Variants in SLC5A10 observed in about 807,000 individuals in gnomAD.
SLC5A10 encodes the protein solute carrier family 5 member 10.
A neutral mutation model predicts 68.9 loss-of-function variants in SLC5A10; 55 were observed. The observed-to-expected ratio is 0.80, with a 90% CI of 0.64 to 1.00. SLC5A10 has a LOEUF of 1.00. Ranked by LOEUF, SLC5A10 falls within the 50% of genes least tolerant of loss-of-function variation. The pLI is 0.00. For missense variants in SLC5A10, 732 were observed against 819.3 expected (o/e 0.89, Z 1.30); for synonymous variants, 344 against 344.8 (o/e 1.00, Z 0.02).
intron 8 of SLC5A10, among the ~76,000 whole-genome samples, chr17:18,972,304 G>T (rs2042874601): frequency 6.6e-6 from 1 of 152,144 alleles, no homozygotes. Flanking sequence ...CAGCCCCAGG[G>T]GTCCACCATA....
rs774989252 is a variant in SLC5A10 at position 19,004,006 on chromosome 17, G to C, written c.983-9404G>C. On this transcript the variant is annotated intron_variant, in intron 9 of 14. Coordinates refer to ENST00000395645, the MANE Select transcript of SLC5A10 (RefSeq NM_001042450.4). The surrounding 1 kb of genome is among the most constrained non-coding windows in gnomAD (Gnocchi z 5.4). ...ACTCGCTGGAGCGCCAGTTCACATG[G>C]TTGTCGTCCAGACACTGCACCTGAG... is the stretch of plus-strand genomic sequence containing the variant. 10 of 1,610,866 alleles carry C rather than the reference G, an allele frequency of 6.2e-6. No homozygotes were observed. The African/African-American group carries it at 1.2e-4, about 19-fold the overall frequency.
At chr17:18,998,538 C>T (rs148196654) in intron 9 of SLC5A10, among the ~76,000 whole-genome samples, 12 of 152,348 alleles carry the variant, frequency 7.9e-5, no homozygotes, top group African/African-American at 2.4e-4. Flanking sequence ...GACGGCAGGC[C>T]CTGGCTCTTG....
chr17:19,013,372 C>T (rs1567813021), intron 9 of SLC5A10, 38 bp from the exon 10 acceptor site: 2 of 1,603,050 alleles, frequency 1.2e-6, no homozygotes, highest in Non-Finnish European at 1.7e-6. Flanking sequence ...GTGCTCATGT[C>T]TATGAGGAGA....
At chr17:19,007,191 C>CTTT (rs1350539677) in intron 9 of SLC5A10, among the ~76,000 whole-genome samples, 1 of 107,004 alleles carries the variant, frequency 9.3e-6, no homozygotes, top group African/African-American at 3.5e-5. Flanking sequence ...GGTGTTACCG[C>CTTT]TATTTTTTTT....
chr17:18,976,563 T>G, intron 8 of SLC5A10: 1 of 383,708 alleles, frequency 2.6e-6, no homozygotes, highest in Non-Finnish European at 4.7e-6. Context: ...GCCCTGACAA[T>G]TGCCAGGGGT....
intron 11 of SLC5A10, 60 bp from the exon 12 acceptor site, chr17:19,019,363 G>T: frequency 6.4e-7 from 1 of 1,560,574 alleles, no homozygotes; most frequent in South Asian, 1.2e-5. Flanking sequence ...ACCAGGGGAG[G>T]TGGGAGAGAG....
rs1354018883 is a variant in SLC5A10, at chr17:18,996,785, C to T, written c.983-16625C>T. On this transcript the variant is annotated intron_variant, in intron 9 of 14. Transcript: ENST00000395645. This position sits in a 1 kb window ranked among gnomAD's most constrained non-coding sequence, Gnocchi z 4.4. ...AGGTCTCCTGTTCCTAGGCTTTTCT[C>T]CTAATGGGGGACCCTGTGTCCATTC... Among the ~76,000 whole-genome samples, 1 of 152,208 alleles carries T rather than the reference C, an allele frequency of 6.6e-6. No homozygotes were observed. Among genetic ancestry groups the T allele is most frequent in the Non-Finnish European group, 1.5e-5 (1 of 68,032 alleles).
Position 19,020,643 on chromosome 17 carries a change from A to T in SLC5A10, c.*212A>T. ...AATGTGACATTTCAAAAACAGCACCAAAGCAGTCAGCATTGGAAGGAAAAT... is the reference window on the plus strand; with the variant it reads ...AATGTGACATTTCAAAAACAGCACCTAAGCAGTCAGCATTGGAAGGAAAAT... On this transcript the variant is annotated 3_prime_UTR_variant, in exon 15 of 15. Coordinates refer to ENST00000395645, the MANE Select transcript of SLC5A10 (RefSeq NM_001042450.4). 2 of 584,240 alleles carry T rather than the reference A, an allele frequency of 3.4e-6. No individual in the cohort carries two copies. The highest frequency in any genetic ancestry group is 6.1e-6 in the Non-Finnish European group (2 of 326,988). 36.2% of individuals were successfully genotyped at this position (584,240 alleles called of 1,614,324 possible).
At chr17:18,991,707 G>A (rs557148228) in intron 9 of SLC5A10, among the ~76,000 whole-genome samples, 7 of 152,300 alleles carry the variant, frequency 4.6e-5, no homozygotes, top group African/African-American at 7.2e-5. Context: ...CCCAGGTACC[G>A]TTGTCAAAGC....
chr17:18,959,741 G>C, intron 4 of SLC5A10, 78 bp downstream of exon 4: 1 of 1,336,922 alleles, frequency 7.5e-7, no homozygotes, highest in East Asian at 2.3e-5. Flanking sequence ...CAGGACCACC[G>C]TGGCCTCACA....
chr17:18,952,557 AGGTAACT>A, intron 1 of SLC5A10: 1 of 453,796 alleles, frequency 2.2e-6, no homozygotes, highest in African/African-American at 2.0e-5. Context: ...TCTCTCTAAC[AGGTAACT>A]GGGCTTTTGT....
chr17:19,016,476 G>A (rs575898366), intron 11 of SLC5A10, among the ~76,000 whole-genome samples: 98 of 152,230 alleles, frequency 6.4e-4, no homozygotes, highest in South Asian at 5.0e-3. Context: ...CTGCTCGGGG[G>A]TCCAGCCTTC....
At chr17:19,002,210 C>G (rs2043748256) in intron 9 of SLC5A10, among the ~76,000 whole-genome samples, 1 of 152,232 alleles carries the variant, frequency 6.6e-6, no homozygotes, top group Admixed American at 6.5e-5. Context: ...TTATCCACAC[C>G]ACCTCCATCT....
chr17:18,977,351 T>C, intron 9 of SLC5A10: 1 of 585,982 alleles, frequency 1.7e-6, no homozygotes, highest in South Asian at 2.2e-5. Context: ...TGCATTTTCT[T>C]AGGTTGCCTT....
intron 9 of SLC5A10, among the ~76,000 whole-genome samples, chr17:18,999,513 C>T (rs2152139882): frequency 6.6e-6 from 1 of 152,306 alleles, no homozygotes; most frequent in East Asian, 1.9e-4. Context: ...CACCAAGCCT[C>T]AGTTTCCTCA....
intron 9 of SLC5A10, among the ~76,000 whole-genome samples, chr17:19,005,386 C>T (rs1472594867): frequency 6.7e-6 from 1 of 149,820 alleles, no homozygotes; most frequent in African/African-American, 2.4e-5. Context: ...CTGAGCGTCC[C>T]CTGGGGTTGG....
In SLC5A10 at chr17:18,971,187, T is replaced by C. The variant is rs779470869; in HGVS notation, c.815T>C (p.Ile272Thr). The C allele has an allele frequency of 3.1e-6, 5 of 1,614,012 alleles. No individual in the cohort carries two copies. The South Asian group carries it at 3.3e-5, about 11-fold the overall frequency. ...ACCGGGATGACCTTTGGCCTGACCA[T>C]CATGGCCACCTGGTACTGGTGCACC... ...PWTGMTFGLT[I>T]MATWYWCTDQ... The change falls in exon 8 of 15, where the codon ATC (isoleucine) becomes ACC (threonine). Residue 272 changes from isoleucine (I) to threonine (T), a missense_variant. Transcript: ENST00000395645. This position sits in a 1 kb window ranked among gnomAD's most constrained non-coding sequence, Gnocchi z 5.5.
chr17:18,952,065 G>T (rs1040097469), upstream of SLC5A10: 2 of 1,370,520 alleles, frequency 1.5e-6, no homozygotes, highest in Non-Finnish European at 1.9e-6. Flanking sequence ...CAGCTGCCCT[G>T]CATGCAGCCA....
Position 19,000,551 on chromosome 17 carries a change from C to T in SLC5A10, c.983-12859C>T, listed in dbSNP as rs1042011543. Reference sequence around the variant, plus strand: ...AACACAGCCGCTCCCCTAAGTGCTGCGTCACTTCCCTGCCCCAGGGTCTGC... The same window carrying T: ...AACACAGCCGCTCCCCTAAGTGCTGTGTCACTTCCCTGCCCCAGGGTCTGC... On this transcript the variant is annotated intron_variant, in intron 9 of 14. Coordinates refer to ENST00000395645, the MANE Select transcript of SLC5A10 (RefSeq NM_001042450.4). The surrounding 1 kb of genome is among the most constrained non-coding windows in gnomAD (Gnocchi z 5.2). Among the ~76,000 whole-genome samples the T allele has an allele frequency of 3.3e-5, 5 of 152,150 alleles. No individual in the cohort carries two copies. Among genetic ancestry groups the T allele is most frequent in the Non-Finnish European group, 5.9e-5 (4 of 68,004 alleles).
Sources: gnomAD v4.1 joint callset for allele counts (sites outside exome capture counted in the v4.1 genomes callset) on GRCh38, gnomAD v4.1.1 for gene constraint, Gnocchi (gnomAD v3.1) non-coding constraint, MANE v1.5 for transcripts, NCBI Gene and HGNC (gene_info 2026-07-23, HGNC 2026-07-21) for gene names.